Variants in SPAG16 observed in about 807,000 individuals in gnomAD.
The protein encoded by SPAG16 is sperm associated antigen 16, also known as sperm-associated antigen 16 protein.
In SPAG16, 86 loss-of-function variants were observed where a neutral mutation model predicts 80.4. That is an observed-to-expected ratio of 1.07 (90% CI 0.90 to 1.28). The LOEUF is 1.28. Ranked by LOEUF, SPAG16 falls within the 50% of genes most tolerant of loss-of-function variation. The pLI, the probability that SPAG16 is intolerant of heterozygous loss-of-function variation, is 0.00. For synonymous variants in SPAG16, 294 were observed against 265.9 expected, an observed-to-expected ratio of 1.11 and a Z score of -1.03; for missense variants, 870 against 765.3, an observed-to-expected ratio of 1.14 and a Z score of -1.61.
At chr2:214,128,924 A>G (rs1400508984) in intron 14 of SPAG16, among the ~76,000 whole-genome samples, 3 of 151,698 alleles carry the variant, frequency 2.0e-5, no homozygotes, top group Non-Finnish European at 2.9e-5. Flanking sequence ...TAAAGCGGGG[A>G]AGTACCCCTT....
chr2:213,536,248 G>A (rs900639498), intron 10 of SPAG16, among the ~76,000 whole-genome samples: 5 of 151,904 alleles, frequency 3.3e-5, no homozygotes, highest in South Asian at 4.1e-4. Flanking sequence ...ATGAAATTTC[G>A]TTTTTACTGT....
At chr2:213,380,194 A>G (rs918700390) in intron 9 of SPAG16, among the ~76,000 whole-genome samples, 3 of 152,182 alleles carry the variant, frequency 2.0e-5, no homozygotes, top group East Asian at 3.8e-4. Context: ...AAAGTGCACA[A>G]CCAGTTGCAC....
In SPAG16 at chr2:213,402,157, G is replaced by A. The variant is rs375650605; in HGVS notation, c.942+27038G>A. 1.6e-4 allele frequency among the ~76,000 whole-genome samples: 25 copies of A among 151,854 alleles called. No homozygotes were observed. In the South Asian group the frequency reaches 4.4e-3, roughly 27 times the overall value. ...TTTTGCCCAAGTTTCGTCATAATAG[G>A]TATAATTTTTTAAAAATTTATTTCA... On this transcript the variant is annotated intron_variant, in intron 9 of 15. Coordinates refer to ENST00000331683, the MANE Select transcript of SPAG16 (RefSeq NM_024532.5).
chr2:213,521,527 G>A (rs903883605), intron 10 of SPAG16, among the ~76,000 whole-genome samples: 1 of 152,092 alleles, frequency 6.6e-6, no homozygotes, highest in Non-Finnish European at 1.5e-5. Context: ...GGACCCTCTG[G>A]TTCATGTTTT....
At chr2:214,310,182 A>G (rs906104227) in intron 15 of SPAG16, among the ~76,000 whole-genome samples, 2 of 147,904 alleles carry the variant, frequency 1.4e-5, no homozygotes, top group African/African-American at 5.0e-5. Context: ...TTTTTTTGAA[A>G]TTGCTATTGT....
At chr2:214,277,370 C>T (rs746680917) in intron 15 of SPAG16, among the ~76,000 whole-genome samples, 13 of 152,046 alleles carry the variant, frequency 8.6e-5, no homozygotes, top group Non-Finnish European at 1.2e-4. Flanking sequence ...GAGGTGCTCT[C>T]GTTTTTAGAA....
chr2:214,270,348 A>T (rs565706551), intron 15 of SPAG16, among the ~76,000 whole-genome samples: 123 of 152,292 alleles, frequency 8.1e-4, no homozygotes, highest in African/African-American at 2.8e-3. Flanking sequence ...AGTAAAAATG[A>T]AGTCCTTTGT....
At chr2:213,478,053 C>G (rs115549625) in intron 9 of SPAG16, among the ~76,000 whole-genome samples, 8,955 of 152,138 alleles carry the variant, frequency 0.059, 878 homozygotes, top group African/African-American at 0.2. Context: ...TGGCATTTCC[C>G]CTTCTTGCAC....
At chr2:214,400,525 C>G (rs537452632) in intron 15 of SPAG16, among the ~76,000 whole-genome samples, 1 of 152,054 alleles carries the variant, frequency 6.6e-6, no homozygotes, top group African/African-American at 2.4e-5. Context: ...AAAACTCTGC[C>G]ATTTTATAGA....
At chr2:214,126,973 TGTAA>T (rs1296521689) in intron 14 of SPAG16, among the ~76,000 whole-genome samples, 27 of 151,922 alleles carry the variant, frequency 1.8e-4, no homozygotes, top group Non-Finnish European at 7.4e-5. Flanking sequence ...GTAAGTTCTC[TGTAA>T]GTGTTTGTGA....
At chr2:213,820,226 C>T (rs1370744131) in intron 10 of SPAG16, among the ~76,000 whole-genome samples, 1 of 152,086 alleles carries the variant, frequency 6.6e-6, no homozygotes, top group African/African-American at 2.4e-5. Flanking sequence ...TGGCGCATGG[C>T]ACCACACCCA....
intron 10 of SPAG16, among the ~76,000 whole-genome samples, chr2:213,841,106 A>G (rs939430967): frequency 2.0e-5 from 3 of 152,168 alleles, no homozygotes; most frequent in African/African-American, 7.2e-5. Flanking sequence ...TGTTGTTATT[A>G]TAGTGCTTTT....
At chr2:213,378,720 G>A (rs1197743109) in intron 9 of SPAG16, among the ~76,000 whole-genome samples, 1 of 152,198 alleles carries the variant, frequency 6.6e-6, no homozygotes, top group African/African-American at 2.4e-5. Flanking sequence ...TATCTATTCT[G>A]TAGTCCCTTT....
At chr2:214,313,731 C>T (rs1695487680) in intron 15 of SPAG16, among the ~76,000 whole-genome samples, 1 of 151,908 alleles carries the variant, frequency 6.6e-6, no homozygotes, top group African/African-American at 2.4e-5. Context: ...GGTTTTATTT[C>T]CAAAATAAAA....
intron 5 of SPAG16, among the ~76,000 whole-genome samples, chr2:213,325,143 A>G (rs2063788918): frequency 6.6e-6 from 1 of 152,078 alleles, no homozygotes. Context: ...GTGCTTTGTT[A>G]GAATATTGTG....
intron 15 of SPAG16, among the ~76,000 whole-genome samples, chr2:214,162,486 G>T (rs1287846177): frequency 6.6e-6 from 1 of 151,982 alleles, no homozygotes; most frequent in Admixed American, 6.6e-5. Context: ...GTAAGTACTG[G>T]GAACAATAAT....
intron 10 of SPAG16, among the ~76,000 whole-genome samples, chr2:213,586,380 A>G (rs1444671883): frequency 6.6e-6 from 1 of 152,200 alleles, no homozygotes; most frequent in East Asian, 1.9e-4. Flanking sequence ...GGCACGGTAG[A>G]AGGGAACAAG....
intron 10 of SPAG16, among the ~76,000 whole-genome samples, chr2:213,516,403 CT>C (rs11329697): frequency 0.43 from 65,102 of 151,628 alleles, 14,737 homozygotes; most frequent in African/African-American, 0.56. Context: ...TTATCTTTTT[CT>C]TAAAAAAATG....
chr2:213,659,107 G>C (rs1194288525), intron 10 of SPAG16, among the ~76,000 whole-genome samples: 2 of 152,102 alleles, frequency 1.3e-5, no homozygotes, highest in African/African-American at 4.8e-5. Context: ...AGAAACCTTT[G>C]TGCATTATTG....
Sources: gnomAD v4.1 joint callset for allele counts (sites outside exome capture counted in the v4.1 genomes callset) on GRCh38, gnomAD v4.1.1 for gene constraint, MANE v1.5 for transcripts, NCBI Gene and HGNC (gene_info 2026-07-23, HGNC 2026-07-21) for gene names.